NCALD: variants seen among roughly 807,000 people sequenced by gnomAD.
NCALD encodes neurocalcin-delta.
A neutral mutation model predicts 18.6 loss-of-function variants in NCALD; 10 were observed. That is an observed-to-expected ratio of 0.54 (90% CI 0.33 to 0.91). The LOEUF is 0.91. Ranked by LOEUF, NCALD falls within the 40% of genes least tolerant of loss-of-function variation. NCALD has a pLI of 0.03. For synonymous variants in NCALD, 88 were observed against 87.4 expected, an observed-to-expected ratio of 1.01 and a Z score of -0.04; for missense variants, 184 against 247.6, an observed-to-expected ratio of 0.74 and a Z score of 1.72.
At chr8:101,954,564 G>A (rs2131824053) in intron 2 of NCALD, among the ~76,000 whole-genome samples, 1 of 152,286 alleles carries the variant, frequency 6.6e-6, no homozygotes, top group East Asian at 1.9e-4. Flanking sequence ...TGACTGCATT[G>A]TTCTGCAATA....
chr8:102,016,080 C>A (rs1822074183), intron 2 of NCALD, among the ~76,000 whole-genome samples: 1 of 152,134 alleles, frequency 6.6e-6, no homozygotes. Flanking sequence ...ATCTTCCTAG[C>A]CCCAAGGTCC....
intron 2 of NCALD, among the ~76,000 whole-genome samples, chr8:101,963,751 A>G (rs185583737): frequency 1.3e-5 from 2 of 152,316 alleles, no homozygotes; most frequent in Non-Finnish European, 2.9e-5. Flanking sequence ...AAGCTACTGT[A>G]AATTCAAATG....
At chr8:102,096,806 G>A (rs1825117843) in intron 1 of NCALD, among the ~76,000 whole-genome samples, 1 of 152,170 alleles carries the variant, frequency 6.6e-6, no homozygotes, top group Non-Finnish European at 1.5e-5. Flanking sequence ...TGTAGAGTGT[G>A]CTTTTGTTTT....
intron 4 of NCALD, among the ~76,000 whole-genome samples, chr8:101,861,982 A>C (rs1383435592): frequency 4.6e-5 from 7 of 152,230 alleles, no homozygotes; most frequent in African/African-American, 1.7e-4. Context: ...TTATATTACA[A>C]TTATATAACT....
chr8:102,119,596 T>C (rs748332690), intron 1 of NCALD, among the ~76,000 whole-genome samples: 24 of 152,212 alleles, frequency 1.6e-4, no homozygotes, highest in Non-Finnish European at 2.6e-4. Context: ...ACCACAGTTT[T>C]TTAAAAGGTT....
rs796300992 is a variant in NCALD, at chr8:101,950,726, A to G, written c.-156-34868T>C. Among the ~76,000 whole-genome samples, 94 of 152,256 alleles carry G rather than the reference A, an allele frequency of 6.2e-4. 1 individual carries two copies. Among genetic ancestry groups the G allele is most frequent in the African/African-American group, 2.1e-3 (87 of 41,546 alleles). On this transcript the variant is annotated intron_variant, in intron 2 of 6. Coordinates refer to the NCALD transcript ENST00000311028. ...AAGGTCTGACACTGCACTAGAAGAG[A>G]ATTCCTGTGTAGCCTGTTGGTCCAA... is the stretch of plus-strand genomic sequence containing the variant.
intron 4 of NCALD, among the ~76,000 whole-genome samples, chr8:101,813,807 C>G (rs190205061): frequency 1.3e-5 from 2 of 152,132 alleles, no homozygotes; most frequent in East Asian, 3.9e-4. Context: ...AGAAAACTCT[C>G]AAGATTAGAA....
intron 3 of NCALD, among the ~76,000 whole-genome samples, chr8:101,894,720 G>A (rs1817077509): frequency 6.6e-6 from 1 of 151,348 alleles, no homozygotes; most frequent in African/African-American, 2.5e-5. Context: ...TACCATCAGA[G>A]AATACTACAA....
At chr8:101,805,407 C>A (rs1021049621) in intron 4 of NCALD, among the ~76,000 whole-genome samples, 1 of 152,162 alleles carries the variant, frequency 6.6e-6, no homozygotes, top group Non-Finnish European at 1.5e-5. Flanking sequence ...GTTGGAGACT[C>A]CCTTGTTCTA....
chr8:101,898,889 G>A (rs1817312237), intron 3 of NCALD, among the ~76,000 whole-genome samples: 1 of 151,836 alleles, frequency 6.6e-6, no homozygotes, highest in South Asian at 2.1e-4. Flanking sequence ...ATAAATTTTA[G>A]AATAATCTTA....
At chr8:101,775,891 G>A (rs1283900824) in intron 1 of NCALD, among the ~76,000 whole-genome samples, 1 of 152,166 alleles carries the variant, frequency 6.6e-6, no homozygotes, top group East Asian at 1.9e-4. Context: ...TGGTTGCCAA[G>A]GTGGCTCCTG....
At chr8:101,789,611 G>A (rs1005558096) in intron 1 of NCALD, among the ~76,000 whole-genome samples, 4 of 152,070 alleles carry the variant, frequency 2.6e-5, no homozygotes, top group African/African-American at 4.8e-5. Context: ...ACTAAATTAC[G>A]ATATAATTCA....
At chr8:102,115,786 G>A (rs575620980) in intron 1 of NCALD, among the ~76,000 whole-genome samples, 29 of 152,268 alleles carry the variant, frequency 1.9e-4, no homozygotes, top group African/African-American at 6.5e-4. Flanking sequence ...CTTCCTCTGA[G>A]AAATTATATT....
chr8:101,869,900 G>C (rs1815933876), intron 4 of NCALD, among the ~76,000 whole-genome samples: 2 of 152,124 alleles, frequency 1.3e-5, no homozygotes, highest in Admixed American at 1.3e-4. Context: ...CTAGATGCAA[G>C]CAAGAAAAAT....
At chr8:101,837,518 A>C (rs1194689171) in intron 4 of NCALD, among the ~76,000 whole-genome samples, 2 of 152,224 alleles carry the variant, frequency 1.3e-5, no homozygotes, top group African/African-American at 2.4e-5. Context: ...AACTTCCAGC[A>C]GCAGTAATTA....
At chr8:102,002,139 A>T (rs1053634637) in intron 2 of NCALD, among the ~76,000 whole-genome samples, 3 of 152,164 alleles carry the variant, frequency 2.0e-5, no homozygotes, top group South Asian at 2.1e-4. Context: ...CCCATCTCAC[A>T]TGCAAAGACA....
intron 2 of NCALD, among the ~76,000 whole-genome samples, chr8:101,941,318 C>T (rs1356653169): frequency 2.0e-5 from 3 of 152,180 alleles, no homozygotes; most frequent in Non-Finnish European, 2.9e-5. Context: ...AGATCCCTCG[C>T]ATGCAAGTTC....
Position 101,784,728 on chromosome 8 carries a change from G to A in NCALD, c.-20+6134C>T, listed in dbSNP as rs1051026463. On this transcript the variant is annotated intron_variant, in intron 1 of 3. Coordinates refer to ENST00000220931, the MANE Select transcript of NCALD (RefSeq NM_032041.3). The stretch of plus-strand genomic sequence containing the variant: ...AGGTGGGATGATTGCTTGAGCCCAG[G>A]TTTGAGGTTACAGTGAGCTATGATT... Among the ~76,000 whole-genome samples the A allele has an allele frequency of 3.0e-4, 46 of 152,192 alleles. 2 individuals carry two copies. The highest frequency in any genetic ancestry group is 2.8e-3 in the Admixed American group (43 of 15,276).
chr8:101,804,081 C>T (rs973958533), intron 4 of NCALD, among the ~76,000 whole-genome samples: 4 of 151,962 alleles, frequency 2.6e-5, no homozygotes, highest in Admixed American at 6.6e-5. Context: ...CAAGACACTC[C>T]ACCAGCAAAA....
Sources: allele counts gnomAD v4.1 joint callset (sites outside exome capture counted in the v4.1 genomes callset), GRCh38; gene constraint gnomAD v4.1.1; transcripts MANE v1.5; gene names NCBI Gene and HGNC (gene_info 2026-07-23, HGNC 2026-07-21).